Variants in RIN1 observed in about 807,000 individuals in gnomAD.
RIN1 encodes ras inhibitor 1.
RIN1 carries 52 observed loss-of-function variants against 64.9 expected under a neutral mutation model. The observed-to-expected ratio is 0.80, with a 90% CI of 0.64 to 1.01. The LOEUF is 1.01. Ranked by LOEUF, RIN1 falls within the 50% of genes least tolerant of loss-of-function variation. The pLI is 0.00. For missense variants in RIN1, 1,040 were observed against 1,064.5 expected, an observed-to-expected ratio of 0.98 and a Z score of 0.32; for synonymous variants, 486 against 483.6, an observed-to-expected ratio of 1.00 and a Z score of -0.06.
chr11:66,332,984 GAT>G, intron 9 of RIN1: 3 of 606,060 alleles, frequency 5.0e-6, no homozygotes, highest in Non-Finnish European at 8.7e-6. Flanking sequence ...ATGAAGATTT[GAT>G]AGTGAGTAAT....
rs138760461 is a variant in RIN1, at chr11:66,333,261, G to A, written c.1872C>T (p.Phe624=). ...EQRRLPATHC[F]QHLLRVAYQD... is the part of the protein sequence containing the mutation. ...GACACGGTGGAGGGCCTGTTACCTG[G>A]AAGCAGTGGGTGGCAGGCAGGCGGC... Residue 624 remains phenylalanine, a synonymous_variant, in exon 9 of 10, where the codon TTC becomes TTT. Coordinates refer to ENST00000311320, the MANE Select transcript of RIN1 (RefSeq NM_004292.3). 5,250 of 1,610,654 alleles carry A rather than the reference G, an allele frequency of 3.3e-3. 13 individuals carry two copies. The highest frequency in any genetic ancestry group is 9.8e-3 in the Middle Eastern group (46 of 4,692).
In RIN1 at chr11:66,333,946, G is replaced by A. The variant is rs940013507; in HGVS notation, c.1564C>T (p.Leu522Phe). 1.9e-6 allele frequency: 3 copies of A among 1,551,768 alleles called. No individual in the cohort carries two copies. The highest frequency in any genetic ancestry group is 2.6e-6 in the Non-Finnish European group (3 of 1,148,620). Reference protein sequence around the residue: ...VKRLLQACKLLYMALRTQEGE... With the variant: ...VKRLLQACKLFYMALRTQEGE... ...TCCTGGGTCCTCAGGGCCATGTAGAGCAGCTTGCAGGCCTGCAGGAGCCGC... is the reference window on the plus strand; with the variant it reads ...TCCTGGGTCCTCAGGGCCATGTAGAACAGCTTGCAGGCCTGCAGGAGCCGC... Residue 522 changes from leucine to phenylalanine, a missense_variant, in exon 7 of 10, where the codon CTC becomes TTC. Leu to Phe is a conservative substitution (Grantham distance 22, BLOSUM62 0). Coordinates refer to ENST00000311320, the MANE Select transcript of RIN1 (RefSeq NM_004292.3).
chr11:66,336,138 T>C lies in RIN1; in HGVS notation c.107A>G (p.Tyr36Cys). The change falls in exon 2 of 10, where the codon TAT (tyrosine) becomes TGT (cysteine). Residue 36 changes from tyrosine to cysteine, a missense_variant. Coordinates refer to ENST00000311320, the MANE Select transcript of RIN1 (RefSeq NM_004292.3). Reference sequence around the variant, plus strand: ...CCCGCCGCTGGCATTGGGCACGTCATACAGTGGGTCCTGGGCTGGCCTGGG... The same window carrying C: ...CCCGCCGCTGGCATTGGGCACGTCACACAGTGGGTCCTGGGCTGGCCTGGG... ...AREKPAQDPL[Y>C]DVPNASGGQA... is the part of the protein sequence containing the mutation. 6.2e-6 allele frequency: 9 copies of C among 1,445,414 alleles called. No individual in the cohort carries two copies. The highest frequency in any genetic ancestry group is 8.2e-6 in the Non-Finnish European group (9 of 1,100,934). The allele number at this position is 1,445,414 out of a possible 1,614,324, so 89.5% of individuals were successfully genotyped here.
At chr11:66,332,801 C>T (rs1854770268) in intron 9 of RIN1, 49 bp from the exon 10 acceptor site, 1 of 1,348,376 alleles carries the variant, frequency 7.4e-7, no homozygotes, top group South Asian at 1.5e-5. Context: ...GGCTGGCATG[C>T]ATCTGGCTCC....
intron 2 of RIN1, 34 bp from the exon 3 acceptor site, chr11:66,335,910 C>G (rs1854883005): frequency 6.6e-7 from 1 of 1,515,986 alleles, no homozygotes; most frequent in Non-Finnish European, 8.8e-7. Flanking sequence ...AGCTCAGGAC[C>G]TTGGCGTCCC....
rs1334416546 is a variant in RIN1 at position 66,331,600 on chromosome 11, G to C, written c.*676C>G. 2 of 152,348 alleles carry C rather than the reference G, an allele frequency of 1.3e-5. No homozygotes were observed. The highest frequency in any genetic ancestry group is 1.9e-4 in the East Asian group (1 of 5,184). 9.4% of individuals were successfully genotyped at this position (152,348 alleles called of 1,614,324 possible). A position where few individuals can be genotyped will look rare whatever the true frequency, so the allele number is the denominator to read the frequency against. The stretch of plus-strand genomic sequence containing the variant: ...GTCTGGCAGAGAGCGGACTCCGGGA[G>C]AGAGTTAGCAGCCCAGCTCTCTCCC... On this transcript the variant is annotated 3_prime_UTR_variant, in exon 10 of 10. Coordinates refer to ENST00000311320, the MANE Select transcript of RIN1 (RefSeq NM_004292.3).
rs759037988 is a variant in RIN1, at chr11:66,335,411, G to A, written c.543C>T (p.Gly181=). 4.3e-6 allele frequency: 7 copies of A among 1,609,568 alleles called. No homozygotes were observed. The Admixed American group carries it at 1.2e-4, about 27-fold the overall frequency. Residue 181 remains glycine, a synonymous_variant, in exon 5 of 10, where the codon GGC becomes GGT. Transcript: ENST00000311320. ...TGGGTGGCAGGAAGCCCTTACCAATGCCCAGATGGGAGATGGCCTCCAGCT... is the reference window on the plus strand; with the variant it reads ...TGGGTGGCAGGAAGCCCTTACCAATACCCAGATGGGAGATGGCCTCCAGCT... ...HKELEAISHL[G]IEFWSSSLNI... is the part of the protein sequence containing the mutation.
Position 66,332,645 on chromosome 11 carries a change from G to C in RIN1, c.1983C>G (p.Thr661=). The C allele has an allele frequency of 1.3e-6, 2 of 1,597,600 alleles. No homozygotes were observed. Among genetic ancestry groups the C allele is most frequent in the South Asian group, 2.3e-5 (2 of 88,410 alleles). ...TGTTGGGCTGGGTCACTCGGAACTT[G>C]GTGGCACAGAGCTGGTTCAGGGTGG... ...SIATLNQLCA[T]KFRVTQPNTF... The change falls in exon 10 of 10, where the codon ACC becomes ACG. Residue 661 remains threonine (T), a synonymous_variant. Transcript: ENST00000311320.
In RIN1 at chr11:66,335,664, G is replaced by C; in HGVS notation, c.401C>G (p.Ser134Trp). ...GACTAGGTCTGGGAACATGAGCTCC[G>C]AGCCCTCCAAGGAGACGCCTGAGAG... ...ESPGGVSLEGSELMFPDLVQL... is the reference protein window; with the variant it reads ...ESPGGVSLEGWELMFPDLVQL... Residue 134 changes from serine (S) to tryptophan (W), a missense_variant, in exon 4 of 10, where the codon TCG becomes TGG. Coordinates refer to ENST00000311320, the MANE Select transcript of RIN1 (RefSeq NM_004292.3). The C allele has an allele frequency of 6.2e-7, 1 of 1,613,520 alleles. No homozygotes were observed. Among genetic ancestry groups the C allele is most frequent in the Non-Finnish European group, 8.5e-7 (1 of 1,179,782 alleles).
Position 66,335,478 on chromosome 11 carries a change from A to G in RIN1, c.476T>C (p.Leu159Pro), listed in dbSNP as rs1202405647. Residue 159 changes from leucine (L) to proline (P), a missense_variant, in exon 5 of 10, where the codon CTG (leucine) becomes CCG (proline). Physicochemically the swap from Leu to Pro is moderately conservative, Grantham distance 98 (BLOSUM62 -3). Transcript: ENST00000311320. ...CHTRDILLLP[L>P]QLPRAIHHAA... ...GTGGTGGATGGCTCTGGGGAGCTGC[A>G]GCGGGAGGAGAAGGATGTCCCTGAG... 3 of 1,613,664 alleles carry G rather than the reference A, an allele frequency of 1.9e-6. No homozygotes were observed. Among genetic ancestry groups the G allele is most frequent in the Non-Finnish European group, 2.5e-6 (3 of 1,179,766 alleles).
At position 66,333,562 on chromosome 11, in the gene RIN1, G is replaced by C. The variant is rs370094548; in HGVS notation, c.1688C>G (p.Ser563Trp). 1 of 1,613,280 alleles carries C rather than the reference G, an allele frequency of 6.2e-7. No individual in the cohort carries two copies. Among genetic ancestry groups the C allele is most frequent in the African/African-American group, 1.3e-5 (1 of 74,908 alleles). The change falls in exon 8 of 10, where the codon TCG becomes TGG. Residue 563 changes from serine to tryptophan, a missense_variant. Ser to Trp is a radical substitution (Grantham distance 177). Transcript: ENST00000311320. ...PELLLEAEYMSELLEPSLLTG... is the reference protein window; with the variant it reads ...PELLLEAEYMWELLEPSLLTG... The stretch of plus-strand genomic sequence containing the variant: ...AAGCAGGCTGGGCTCCAGCAGCTCC[G>C]ACATGTACTCGGCCTCCAGCAGCAG...
Sources: allele counts gnomAD v4.1 joint callset, GRCh38; gene constraint gnomAD v4.1.1; transcripts MANE v1.5; gene names NCBI Gene and HGNC (gene_info 2026-07-23, HGNC 2026-07-21).